The following PDE4D variants were observed in gnomAD, a reference collection of about 807,000 sequenced individuals.
PDE4D encodes phosphodiesterase 4D, also known as 3',5'-cyclic-AMP phosphodiesterase 4D.
PDE4D carries 24 observed loss-of-function variants against 87.4 expected under a neutral mutation model. That is an observed-to-expected ratio of 0.27 (90% CI 0.20 to 0.39). The LOEUF (loss-of-function observed/expected upper bound fraction) is 0.39. Ranked by LOEUF, PDE4D falls within the 10% of genes least tolerant of loss-of-function variation. The pLI, the probability that PDE4D is intolerant of heterozygous loss-of-function variation, is 1.00. For synonymous variants in PDE4D, 384 were observed against 383.2 expected, an observed-to-expected ratio of 1.00 and a Z score of -0.02; for missense variants, 714 against 1,041.0, an observed-to-expected ratio of 0.69 and a Z score of 4.32.
intron 2 of PDE4D, among the ~76,000 whole-genome samples, chr5:60,138,892 T>C (rs1484325805): frequency 6.6e-6 from 1 of 152,124 alleles, no homozygotes; most frequent in Non-Finnish European, 1.5e-5. Context: ...TGAAATAAAA[T>C]TGCGTTCAGG....
At chr5:59,068,833 T>C (rs1764317506) in intron 5 of PDE4D, among the ~76,000 whole-genome samples, 1 of 152,156 alleles carries the variant, frequency 6.6e-6, no homozygotes, top group African/African-American at 2.4e-5. Flanking sequence ...AAAGTTAGCC[T>C]AAAACTACCT....
chr5:60,440,917 T>G (rs702552), intron 1 of PDE4D, among the ~76,000 whole-genome samples: 16,105 of 152,138 alleles, frequency 0.11, 1,421 homozygotes, highest in East Asian at 0.43. Context: ...ATCAAAATCC[T>G]GGCAGTCTAG....
At chr5:59,885,851 G>GTA (rs1750069720) in intron 1 of PDE4D, among the ~76,000 whole-genome samples, 1 of 151,852 alleles carries the variant, frequency 6.6e-6, no homozygotes, top group African/African-American at 2.4e-5. Context: ...TATACTCACA[G>GTA]TATCTCTTGT....
intron 2 of PDE4D, among the ~76,000 whole-genome samples, chr5:60,055,692 T>G (rs760422466): frequency 5.9e-5 from 9 of 151,994 alleles, no homozygotes; most frequent in Non-Finnish European, 1.2e-4. Flanking sequence ...CATAAAAAAT[T>G]GAAAAGTGAA....
intron 5 of PDE4D, among the ~76,000 whole-genome samples, chr5:59,070,657 C>A (rs1764625356): frequency 6.6e-6 from 1 of 152,106 alleles, no homozygotes; most frequent in South Asian, 2.1e-4. Context: ...ATGTAACATA[C>A]CCTGATTACC....
intron 2 of PDE4D, among the ~76,000 whole-genome samples, chr5:60,047,361 A>G (rs1031105304): frequency 1.3e-5 from 2 of 151,740 alleles, no homozygotes; most frequent in African/African-American, 2.4e-5. Flanking sequence ...TTGTGTCACT[A>G]TTTCCTTCAG....
chr5:59,318,200 TA>T (rs1157888970), intron 1 of PDE4D, among the ~76,000 whole-genome samples: 1 of 152,166 alleles, frequency 6.6e-6, no homozygotes, highest in African/African-American at 2.4e-5. Flanking sequence ...GGCATTTTTA[TA>T]AATGTAACAT....
intron 2 of PDE4D, among the ~76,000 whole-genome samples, chr5:60,183,926 A>T (rs1784575882): frequency 6.6e-6 from 1 of 152,160 alleles, no homozygotes; most frequent in African/African-American, 2.4e-5. Flanking sequence ...GAGTCATTTA[A>T]TTAAGTGGAA....
chr5:60,010,936 T>G (rs1764964437), intron 2 of PDE4D, among the ~76,000 whole-genome samples: 1 of 152,190 alleles, frequency 6.6e-6, no homozygotes. Context: ...GTGTTCTGCA[T>G]GGCACAAAGG....
intron 5 of PDE4D, among the ~76,000 whole-genome samples, chr5:59,149,982 T>A (rs1358407857): frequency 6.6e-6 from 1 of 152,114 alleles, no homozygotes; most frequent in Non-Finnish European, 1.5e-5. Context: ...CCCCAGGCAT[T>A]TCAAATTTGA....
chr5:59,547,006 C>A (rs1258061360), intron 1 of PDE4D, among the ~76,000 whole-genome samples: 1 of 152,250 alleles, frequency 6.6e-6, no homozygotes, highest in Non-Finnish European at 1.5e-5. Flanking sequence ...TTCTTGTGGG[C>A]ATTATGCTTT....
chr5:59,309,490 A>G (rs946458781), intron 1 of PDE4D, among the ~76,000 whole-genome samples: 1 of 152,168 alleles, frequency 6.6e-6, no homozygotes, highest in African/African-American at 2.4e-5. Context: ...ACTCAGCTCC[A>G]GGTAAAGTCA....
At chr5:59,761,537 T>C (rs981152225) in intron 1 of PDE4D, among the ~76,000 whole-genome samples, 1 of 152,150 alleles carries the variant, frequency 6.6e-6, no homozygotes, top group Non-Finnish European at 1.5e-5. Flanking sequence ...CTATAAGCTT[T>C]TATTTTTAAT....
chr5:59,506,719 G>A (rs1809336411), intron 1 of PDE4D, among the ~76,000 whole-genome samples: 1 of 152,110 alleles, frequency 6.6e-6, no homozygotes, highest in South Asian at 2.1e-4. Flanking sequence ...TCAGTGAAGT[G>A]AAAATTAAAA....
chr5:59,640,925 CTCTT>C (rs1252133735), intron 1 of PDE4D, among the ~76,000 whole-genome samples: 1 of 152,184 alleles, frequency 6.6e-6, no homozygotes, highest in Non-Finnish European at 1.5e-5. Flanking sequence ...AATTCTATAT[CTCTT>C]TGTCTCTTGT....
intron 1 of PDE4D, among the ~76,000 whole-genome samples, chr5:59,817,743 C>T (rs974638603): frequency 8.7e-6 from 1 of 114,878 alleles, no homozygotes; most frequent in Non-Finnish European, 2.2e-5. Flanking sequence ...CACACCCACA[C>T]CCCCCCCCAC....
chr5:59,275,557 TCCA>T, intron 1 of PDE4D: 1 of 1,427,094 alleles, frequency 7.0e-7, no homozygotes, highest in Non-Finnish European at 9.1e-7. Context: ...CTGTCCTCGG[TCCA>T]GCTCATGGGC....
intron 11 of PDE4D, among the ~76,000 whole-genome samples, chr5:58,982,343 G>T (rs767567059): frequency 9.2e-5 from 14 of 152,146 alleles, no homozygotes; most frequent in Non-Finnish European, 1.8e-4. Flanking sequence ...TCTTCAAAAG[G>T]CCATTCTACC....
At chr5:60,453,783 G>C (rs555100192) in intron 1 of PDE4D, among the ~76,000 whole-genome samples, 3 of 152,076 alleles carry the variant, frequency 2.0e-5, no homozygotes, top group East Asian at 1.9e-4. Context: ...ACTTGTCTGA[G>C]CTTGTTTGTC....
Sources: gnomAD v4.1 joint callset for allele counts (sites outside exome capture counted in the v4.1 genomes callset) on GRCh38, gnomAD v4.1.1 for gene constraint, MANE v1.5 for transcripts, NCBI Gene and HGNC (gene_info 2026-07-23, HGNC 2026-07-21) for gene names.